Variants in CTNND1 observed in about 807,000 individuals in gnomAD.
CTNND1 encodes the protein catenin delta-1.
Under a neutral mutation model 112.1 loss-of-function variants are expected in CTNND1, and 16 were observed. That is an observed-to-expected ratio of 0.14 (90% CI 0.10 to 0.22). The LOEUF is 0.22. Ranked by LOEUF, CTNND1 falls within the 10% of genes least tolerant of loss-of-function variation. The pLI, the probability that CTNND1 is intolerant of heterozygous loss-of-function variation, is 1.00. For synonymous variants in CTNND1, 420 were observed against 446.5 expected (o/e 0.94, Z 0.75); for missense variants, 1,008 against 1,257.0 (o/e 0.80, Z 3.00).
intron 18 of CTNND1, among the ~76,000 whole-genome samples, 196 bp from the exon 19 acceptor site, chr11:57,815,198 G>A (rs1467729013): frequency 6.6e-6 from 1 of 152,160 alleles, no homozygotes; most frequent in Non-Finnish European, 1.5e-5. Context: ...AAAGTGCTGG[G>A]ATTACAGGCA....
intron 1 of CTNND1, among the ~76,000 whole-genome samples, chr11:57,785,548 T>TTTTG (rs1555046375): frequency 2.6e-5 from 4 of 151,574 alleles, no homozygotes; most frequent in African/African-American, 9.7e-5. Context: ...GGTGATTTTT[T>TTTTG]TGTGTGTGTG....
chr11:57,810,862 T>G (rs907134092), intron 16 of CTNND1, among the ~76,000 whole-genome samples: 19 of 150,784 alleles, frequency 1.3e-4, no homozygotes, highest in Non-Finnish European at 2.5e-4. Context: ...GAGGCTGAGG[T>G]GGGAGGATTG....
chr11:57,771,719 G>A (rs1016140583), intron 1 of CTNND1, among the ~76,000 whole-genome samples: 6 of 152,054 alleles, frequency 3.9e-5, no homozygotes, highest in Non-Finnish European at 8.8e-5. Context: ...GGCTGTTACC[G>A]AATTTTTGTG....
rs762148167 is a variant in CTNND1 at position 57,791,484 on chromosome 11, C to A, written c.6C>A (p.Asp2Glu). 6.6e-7 allele frequency: 1 copy of A among 1,517,332 alleles called. No homozygotes were observed. The highest frequency in any genetic ancestry group is 2.2e-5 in the Admixed American group (1 of 44,844). The allele number at this position is 1,517,332 out of a possible 1,614,324, so 94.0% of individuals were successfully genotyped here. A position where few individuals can be genotyped will look rare whatever the true frequency, so the allele number is the denominator to read the frequency against. Residue 2 changes from aspartate (D) to glutamate (E), a missense_variant, in exon 3 of 21, where the codon GAC (aspartate) becomes GAA (glutamate). By Grantham distance (45) the Asp-to-Glu change is conservative. Around this residue, in one of 5 missense-constraint regions of CTNND1, gnomAD observed 404 missense variants for 457.9 expected, o/e 0.88. Coordinates refer to ENST00000399050, the MANE Select transcript of CTNND1 (RefSeq NM_001085458.2). M[D>E]DSEVESTASI... Reference sequence around the variant, plus strand: ...CGGCTCCGCCCCTTACCTTCATGGACGACTCAGAGGTGGAGTCGACCGCCA... The same window carrying A: ...CGGCTCCGCCCCTTACCTTCATGGAAGACTCAGAGGTGGAGTCGACCGCCA...
intron 3 of CTNND1, among the ~76,000 whole-genome samples, chr11:57,792,894 G>C (rs1197550988): frequency 6.6e-6 from 1 of 150,910 alleles, no homozygotes; most frequent in Non-Finnish European, 1.5e-5. Flanking sequence ...TTGCAGTTGA[G>C]AGAGAACAGA....
intron 1 of CTNND1, among the ~76,000 whole-genome samples, chr11:57,784,425 A>T (rs2059923618): frequency 6.6e-6 from 1 of 151,706 alleles, no homozygotes; most frequent in East Asian, 2.0e-4. Context: ...AAAAAAAAAA[A>T]AATTCCCTAG....
chr11:57,789,024 A>G lies in CTNND1; in HGVS notation c.-213-13A>G. On this transcript the variant is annotated splice_polypyrimidine_tract_variant and intron_variant, in intron 1 of 20. Transcript: ENST00000399050. Reference sequence around the variant, plus strand: ...TCCTCTCATTCCCATTTTTCCTTCAAATATTTCTGCAGCTCTCTCCTTCCT... The same window carrying G: ...TCCTCTCATTCCCATTTTTCCTTCAGATATTTCTGCAGCTCTCTCCTTCCT... The G allele has an allele frequency of 6.6e-7, 1 of 1,525,706 alleles. No individual in the cohort carries two copies. Among genetic ancestry groups the G allele is most frequent in the Admixed American group, 2.0e-5 (1 of 50,944 alleles). 94.5% of individuals were successfully genotyped at this position (1,525,706 alleles called of 1,614,324 possible). A position where few individuals can be genotyped will look rare whatever the true frequency, so the allele number is the denominator to read the frequency against.
intron 1 of CTNND1, among the ~76,000 whole-genome samples, chr11:57,766,950 T>C (rs1418500247): frequency 3.3e-5 from 5 of 151,852 alleles, no homozygotes; most frequent in South Asian, 4.2e-4. Flanking sequence ...GGGGGAATTA[T>C]AAAGAGGCAA....
chr11:57,793,985 TGTC>T (rs1437793531), intron 3 of CTNND1, 22 bp from the exon 4 acceptor site: 2 of 1,611,088 alleles, frequency 1.2e-6, no homozygotes, highest in African/African-American at 2.7e-5. Flanking sequence ...CAAAATGAAT[TGTC>T]TTCTTGTGGG....
chr11:57,786,914 C>G (rs944442837), intron 1 of CTNND1, among the ~76,000 whole-genome samples: 1 of 152,140 alleles, frequency 6.6e-6, no homozygotes, highest in Non-Finnish European at 1.5e-5. Context: ...AGGCTCTGGA[C>G]CATCCATCTG....
chr11:57,796,659 A>G lies in CTNND1; in HGVS notation c.623A>G (p.Tyr208Cys). 6.2e-7 allele frequency: 1 copy of G among 1,613,740 alleles called. No homozygotes were observed. Among genetic ancestry groups the G allele is most frequent in the Non-Finnish European group, 8.5e-7 (1 of 1,179,858 alleles). ...GTATLPRNFH[Y>C]PPDGYSRHYE... ...GCTACCCTTCCTAGGAACTTCCACTACCCTCCTGATGGTTATAGTCGCCAC... is the reference window on the plus strand; with the variant it reads ...GCTACCCTTCCTAGGAACTTCCACTGCCCTCCTGATGGTTATAGTCGCCAC... Residue 208 changes from tyrosine to cysteine, a missense_variant, in exon 6 of 21, where the codon TAC becomes TGC. Around this residue, in one of 5 missense-constraint regions of CTNND1, gnomAD observed 404 missense variants for 457.9 expected, o/e 0.88. Coordinates refer to ENST00000399050, the MANE Select transcript of CTNND1 (RefSeq NM_001085458.2).
At position 57,819,505 on chromosome 11, in the gene CTNND1, A is replaced by G. The variant is rs1359383518; in HGVS notation, c.*3197A>G. On this transcript the variant is annotated 3_prime_UTR_variant, in exon 21 of 21. Transcript: ENST00000399050. The stretch of plus-strand genomic sequence containing the variant: ...TTCTCTCTTCCTTCTGGATTGGTCC[A>G]TTTGTTTATCTCATTCAATAAATAT... 1 of 152,192 alleles carries G rather than the reference A, an allele frequency of 6.6e-6. No homozygotes were observed. Among genetic ancestry groups the G allele is most frequent in the African/African-American group, 2.4e-5 (1 of 41,440 alleles). 9.4% of individuals were successfully genotyped at this position (152,192 alleles called of 1,614,324 possible). A position where few individuals can be genotyped will look rare whatever the true frequency, so the allele number is the denominator to read the frequency against.
At position 57,802,199 on chromosome 11, in the gene CTNND1, G is replaced by A. The variant is rs2062066176; in HGVS notation, c.1420+3G>A. The A allele has an allele frequency of 3.7e-6, 6 of 1,605,932 alleles. No homozygotes were observed. Among genetic ancestry groups the A allele is most frequent in the Non-Finnish European group, 5.1e-6 (6 of 1,175,218 alleles). On this transcript the variant is annotated splice_donor_region_variant and intron_variant, in intron 7 of 20. Coordinates refer to ENST00000399050, the MANE Select transcript of CTNND1 (RefSeq NM_001085458.2). ...GGACCTTACTGAAGTTATTACCGGT[G>A]AGTTCTAGGCCTAAGGAAAATTGCT...
chr11:57,791,146 T>G (rs2060696797), intron 2 of CTNND1, among the ~76,000 whole-genome samples: 1 of 152,128 alleles, frequency 6.6e-6, no homozygotes, highest in South Asian at 2.1e-4. Context: ...GTGTAGAGAC[T>G]TAGATTTAAT....
Position 57,804,657 on chromosome 11 carries a change from C to G in CTNND1, c.1605-6C>G. 1 of 1,610,878 alleles carries G rather than the reference C, an allele frequency of 6.2e-7. No individual in the cohort carries two copies. The highest frequency in any genetic ancestry group is 1.7e-4 in the Middle Eastern group (1 of 6,056). On this transcript the variant is annotated splice_polypyrimidine_tract_variant and splice_region_variant and intron_variant, in intron 8 of 20. Coordinates refer to ENST00000399050, the MANE Select transcript of CTNND1 (RefSeq NM_001085458.2). ...AGTCATCTTGAAGCTTCTGGTTTCC[C>G]CTCAGGAATGTAAGCTCAGAGAGGA...
At chr11:57,774,103 C>G (rs914783661) in intron 1 of CTNND1, among the ~76,000 whole-genome samples, 1 of 152,054 alleles carries the variant, frequency 6.6e-6, no homozygotes, top group Non-Finnish European at 1.5e-5. Context: ...TTTTAAAGAC[C>G]TTTTGCTATT....
intron 3 of CTNND1, among the ~76,000 whole-genome samples, chr11:57,793,426 C>T (rs2060988840): frequency 6.6e-6 from 1 of 152,116 alleles, no homozygotes; most frequent in Non-Finnish European, 1.5e-5. Flanking sequence ...GAAAGGGAGA[C>T]TCGTATCTCT....
intron 19 of CTNND1, 86 bp downstream of exon 19, chr11:57,815,586 A>T (rs769594100): frequency 8.7e-7 from 1 of 1,155,596 alleles, no homozygotes; most frequent in African/African-American, 1.5e-5. Context: ...AAAAAAGTAC[A>T]GAGAAAGATC....
chr11:57,785,276 C>T (rs747964907), intron 1 of CTNND1, among the ~76,000 whole-genome samples: 33 of 152,294 alleles, frequency 2.2e-4, no homozygotes, highest in Non-Finnish European at 4.3e-4. Context: ...TTTTTCTAAG[C>T]ACTTTACATG....
Sources: allele counts gnomAD v4.1 joint callset (sites outside exome capture counted in the v4.1 genomes callset), GRCh38; gene constraint gnomAD v4.1.1; regional missense constraint gnomAD v4.1.1; transcripts MANE v1.5; gene names NCBI Gene and HGNC (gene_info 2026-07-23, HGNC 2026-07-21).